COL15A1: variants seen among roughly 807,000 people sequenced by gnomAD.
The protein encoded by COL15A1 is collagen type XV alpha 1 chain, also known as collagen alpha-1(XV) chain.
Under a neutral mutation model 165.9 loss-of-function variants are expected in COL15A1, and 111 were observed. The ratio of observed to expected loss-of-function variants is 0.67; its 90% CI spans 0.57 to 0.78. The LOEUF (loss-of-function observed/expected upper bound fraction) is 0.78. Among genes scored for constraint, COL15A1 ranks in the 30% least tolerant of loss-of-function variants. The pLI, the probability that COL15A1 is intolerant of heterozygous loss-of-function variation, is 0.00. For synonymous variants in COL15A1, 659 were observed against 674.8 expected, an observed-to-expected ratio of 0.98 and a Z score of 0.36; for missense variants, 1,745 against 1,789.7, an observed-to-expected ratio of 0.98 and a Z score of 0.45.
chr9:99,059,116 G>A (rs559827019), intron 35 of COL15A1, among the ~76,000 whole-genome samples: 51 of 152,248 alleles, frequency 3.3e-4, no homozygotes, highest in African/African-American at 1.0e-3. Flanking sequence ...TATACCTCCA[G>A]GATTTGTCAT....
intron 28 of COL15A1, among the ~76,000 whole-genome samples, chr9:99,048,575 G>A (rs1839532352): frequency 6.6e-6 from 1 of 151,968 alleles, no homozygotes; most frequent in South Asian, 2.1e-4. Context: ...AAGTTCTAGG[G>A]TACATGTGCA....
chr9:99,057,985 C>T (rs1429225128), intron 35 of COL15A1, among the ~76,000 whole-genome samples: 1 of 152,114 alleles, frequency 6.6e-6, no homozygotes. Flanking sequence ...AGGGAGTGAA[C>T]AGTCAACTTG....
chr9:98,966,654 G>A lies in COL15A1; in HGVS notation c.101-18911G>A, dbSNP rs564916886. 1.6e-4 allele frequency among the ~76,000 whole-genome samples: 25 copies of A among 152,346 alleles called. 1 individual carries two copies. In the South Asian group the frequency reaches 4.6e-3, roughly 28 times the overall value. On this transcript the variant is annotated intron_variant, in intron 2 of 41. Transcript: ENST00000375001. ...AAGTCTGAGAAGCCAGTGTGTTTAA[G>A]AGAGTCACTCTCATCTCAGTGAAGG...
intron 2 of COL15A1, among the ~76,000 whole-genome samples, chr9:98,961,807 G>C (rs1837870484): frequency 6.6e-6 from 1 of 152,218 alleles, no homozygotes; most frequent in South Asian, 2.1e-4. Flanking sequence ...ACAGTGAATT[G>C]CTTCAGGGCG....
At chr9:98,946,750 T>A (rs1473027114) in intron 2 of COL15A1, among the ~76,000 whole-genome samples, 1 of 152,200 alleles carries the variant, frequency 6.6e-6, no homozygotes, top group Non-Finnish European at 1.5e-5. Flanking sequence ...ATGAGCTCAG[T>A]CAATCATCAC....
At chr9:99,058,029 A>G (rs779896126) in intron 35 of COL15A1, among the ~76,000 whole-genome samples, 3 of 152,170 alleles carry the variant, frequency 2.0e-5, no homozygotes, top group Non-Finnish European at 4.4e-5. Context: ...GACCTCAGGA[A>G]CAGCCAGAGC....
rs1340429137 is a variant in COL15A1 at position 99,015,459 on chromosome 9, A to T, written c.1396A>T (p.Thr466Ser). 6.2e-7 allele frequency: 1 copy of T among 1,609,004 alleles called. No homozygotes were observed. Among genetic ancestry groups the T allele is most frequent in the East Asian group, 2.2e-5 (1 of 44,874 alleles). The change falls in exon 10 of 42, where the codon ACC becomes TCC. Residue 466 changes from threonine to serine, a missense_variant. Physicochemically the swap from Thr to Ser is moderately conservative, Grantham distance 58. Coordinates refer to ENST00000375001, the MANE Select transcript of COL15A1 (RefSeq NM_001855.5). ...EDSLTTAAAA[T>S]EVSLSTFEDE... Reference sequence around the variant, plus strand: ...CAGTTTAACAACAGCTGCAGCTGCAACCGAAGTGTCCCTCAGTACTTTTGA... The same window carrying T: ...CAGTTTAACAACAGCTGCAGCTGCATCCGAAGTGTCCCTCAGTACTTTTGA...
chr9:98,970,133 C>T (rs1838022664), intron 2 of COL15A1, among the ~76,000 whole-genome samples: 1 of 151,744 alleles, frequency 6.6e-6, no homozygotes, highest in East Asian at 1.9e-4. Context: ...ACTTCGTGCC[C>T]AGGACATAGT....
chr9:98,959,597 T>TTAA (rs1554683107), intron 2 of COL15A1, among the ~76,000 whole-genome samples: 18 of 143,686 alleles, frequency 1.3e-4, no homozygotes, highest in African/African-American at 4.5e-4. Flanking sequence ...GATCTTGCCA[T>TTAA]AAAAAAAAAA....
chr9:98,955,688 T>C (rs1221947034), intron 2 of COL15A1, among the ~76,000 whole-genome samples: 1 of 152,234 alleles, frequency 6.6e-6, no homozygotes, highest in Non-Finnish European at 1.5e-5. Context: ...AAAGTTAAGC[T>C]GTGCTTTTTC....
intron 22 of COL15A1, 124 bp downstream of exon 22, chr9:99,038,857 T>A (rs896769858): frequency 3.2e-6 from 2 of 623,424 alleles, no homozygotes; most frequent in African/African-American, 1.8e-5. Context: ...CAAAGTAGAA[T>A]GGAAAGAAAG....
At chr9:99,050,185 T>C (rs570811472) in intron 30 of COL15A1, among the ~76,000 whole-genome samples, 4 of 152,328 alleles carry the variant, frequency 2.6e-5, no homozygotes, top group East Asian at 1.9e-4. Flanking sequence ...CTTGGAGTAG[T>C]ATAAAACTGG....
chr9:98,991,336 G>A (rs1342962508), intron 5 of COL15A1, among the ~76,000 whole-genome samples: 1 of 152,060 alleles, frequency 6.6e-6, no homozygotes, highest in Non-Finnish European at 1.5e-5. Flanking sequence ...TGATTGGTCC[G>A]TTTTACAGAG....
At chr9:98,990,387 G>C (rs1033302875) in intron 5 of COL15A1, among the ~76,000 whole-genome samples, 2 of 152,202 alleles carry the variant, frequency 1.3e-5, no homozygotes, top group Non-Finnish European at 2.9e-5. Context: ...TTGGCCAGTT[G>C]GGATGAATGA....
Position 98,987,326 on chromosome 9 carries a change from C to G in COL15A1, c.681C>G (p.Asp227Glu), listed in dbSNP as rs765283873. The G allele has an allele frequency of 6.8e-6, 11 of 1,613,438 alleles. 1 individual carries two copies. Among genetic ancestry groups the G allele is most frequent in the Non-Finnish European group, 6.8e-6 (8 of 1,179,776 alleles). Reference protein sequence around the residue: ...GSLQQLTVHPDPRTPEELCDP... With the variant: ...GSLQQLTVHPEPRTPEELCDP... ...TCCAGCAGCTCACCGTGCACCCCGA[C>G]CCCAGGACTCCCGAGGAGCTGTGTG... is the stretch of plus-strand genomic sequence containing the variant. The change falls in exon 4 of 42, where the codon GAC (aspartate) becomes GAG (glutamate). Residue 227 changes from aspartate (D) to glutamate (E), a missense_variant. By Grantham distance (45) the Asp-to-Glu change is conservative. Coordinates refer to ENST00000375001, the MANE Select transcript of COL15A1 (RefSeq NM_001855.5).
chr9:98,961,911 C>T (rs190540776), intron 2 of COL15A1, among the ~76,000 whole-genome samples: 41 of 152,318 alleles, frequency 2.7e-4, no homozygotes, highest in East Asian at 2.5e-3. Context: ...GAAGAAAGCC[C>T]GGAGCCAGCA....
intron 2 of COL15A1, among the ~76,000 whole-genome samples, chr9:98,969,411 C>A (rs990650445): frequency 6.6e-6 from 1 of 152,226 alleles, no homozygotes; most frequent in Non-Finnish European, 1.5e-5. Context: ...GTATCTTATC[C>A]AAAGTTGCCC....
intron 16 of COL15A1, among the ~76,000 whole-genome samples, chr9:99,030,437 T>C (rs2119035034): frequency 6.6e-6 from 1 of 152,346 alleles, no homozygotes; most frequent in East Asian, 1.9e-4. Flanking sequence ...TCACCCTGCC[T>C]GTTCACATAA....
At chr9:99,015,267 C>A in intron 9 of COL15A1, 150 bp from the exon 10 acceptor site, 1 of 634,582 alleles carries the variant, frequency 1.6e-6, no homozygotes, top group South Asian at 1.9e-5. Flanking sequence ...GAGCTCCAGG[C>A]GAAGGTGTGG....
Sources: allele counts gnomAD v4.1 joint callset (sites outside exome capture counted in the v4.1 genomes callset), GRCh38; gene constraint gnomAD v4.1.1; transcripts MANE v1.5; gene names NCBI Gene and HGNC (gene_info 2026-07-23, HGNC 2026-07-21).